Variants in CEP112 observed in about 807,000 individuals in gnomAD.
CEP112 encodes the protein centrosomal protein 112, also known as centrosomal protein of 112 kDa.
Under a neutral mutation model 153.0 loss-of-function variants are expected in CEP112, and 127 were observed. The observed-to-expected ratio is 0.83, with a 90% CI of 0.72 to 0.96. The LOEUF (loss-of-function observed/expected upper bound fraction) is 0.96, where lower values mean the gene tolerates loss of function less well. CEP112 is among the 40% of genes least tolerant of loss of function. The pLI is 0.00. For synonymous variants in CEP112, 358 were observed against 374.4 expected, an observed-to-expected ratio of 0.96 and a Z score of 0.51; for missense variants, 1,089 against 1,101.2, an observed-to-expected ratio of 0.99 and a Z score of 0.16.
chr17:66,030,072 C>T (rs1284507513), intron 12 of CEP112, 49 bp from the exon 13 acceptor site: 1 of 1,507,980 alleles, frequency 6.6e-7, no homozygotes. Flanking sequence ...AGTTGTAACA[C>T]TTTTGTATCT....
chr17:65,973,673 C>T (rs1462735331), intron 17 of CEP112, among the ~76,000 whole-genome samples: 1 of 152,012 alleles, frequency 6.6e-6, no homozygotes, highest in Non-Finnish European at 1.5e-5. Flanking sequence ...ATCTAAAATT[C>T]TGGAAATTGA....
At chr17:65,733,196 A>G (rs867248380) in intron 23 of CEP112, among the ~76,000 whole-genome samples, 8 of 152,324 alleles carry the variant, frequency 5.3e-5, no homozygotes, top group Admixed American at 3.3e-4. Flanking sequence ...GGAGATGGAG[A>G]GAGATGGGGG....
chr17:65,637,832 T>C (rs2044859340), intron 25 of CEP112, among the ~76,000 whole-genome samples: 1 of 152,218 alleles, frequency 6.6e-6, no homozygotes, highest in African/African-American at 2.4e-5. Flanking sequence ...CTGGTTTCAC[T>C]AGCTGTTGAA....
chr17:66,106,494 A>G (rs2068789603), intron 6 of CEP112, among the ~76,000 whole-genome samples: 1 of 152,102 alleles, frequency 6.6e-6, no homozygotes, highest in South Asian at 2.1e-4. Context: ...TCAAAAAATC[A>G]TTAGACGCTA....
chr17:65,789,246 C>A (rs956280667), intron 21 of CEP112, among the ~76,000 whole-genome samples: 1 of 152,184 alleles, frequency 6.6e-6, no homozygotes, highest in African/African-American at 2.4e-5. Flanking sequence ...TCGCTCTTGA[C>A]AGTCCTGCCA....
intron 23 of CEP112, among the ~76,000 whole-genome samples, chr17:65,689,598 G>A (rs768792750): frequency 7.2e-5 from 11 of 152,114 alleles, no homozygotes; most frequent in Non-Finnish European, 1.3e-4. Context: ...TCATTGTGAC[G>A]GATAGGAATT....
At chr17:65,989,440 C>T (rs2063518497) in intron 17 of CEP112, among the ~76,000 whole-genome samples, 1 of 150,724 alleles carries the variant, frequency 6.6e-6, no homozygotes. Flanking sequence ...ACCATACAGC[C>T]CAGGAGGGAG....
intron 22 of CEP112, among the ~76,000 whole-genome samples, chr17:65,749,787 T>TTCATTAGATATTATTATCTTTTTGTTGC (rs1336371343): frequency 6.6e-6 from 1 of 152,228 alleles, no homozygotes; most frequent in African/African-American, 2.4e-5. Context: ...CTTTTTGTTG[T>TTCATTAGATATTATTATCTTTTTGTTGC]TGTTGTTACT....
chr17:66,118,320 G>T (rs1280468579), intron 6 of CEP112, among the ~76,000 whole-genome samples: 1 of 152,068 alleles, frequency 6.6e-6, no homozygotes, highest in Non-Finnish European at 1.5e-5. Context: ...CCCATCAAAG[G>T]ATAAATGGAT....
intron 24 of CEP112, among the ~76,000 whole-genome samples, chr17:65,647,108 A>T (rs7218558): frequency 6.6e-6 from 1 of 151,778 alleles, no homozygotes; most frequent in East Asian, 1.9e-4. Context: ...AATTTGTCAC[A>T]TGGCAAAATG....
At chr17:65,827,844 C>T (rs148042788) in intron 21 of CEP112, among the ~76,000 whole-genome samples, 26 of 152,270 alleles carry the variant, frequency 1.7e-4, no homozygotes, top group African/African-American at 5.8e-4. Context: ...TTTCTTCCTC[C>T]GAATATCAAC....
rs550339483 is a variant in CEP112 at position 65,818,691 on chromosome 17, T to C, written c.2394+33113A>G. Among the ~76,000 whole-genome samples the C allele has an allele frequency of 1.6e-4, 25 of 152,028 alleles. No individual in the cohort carries two copies. In the East Asian group the frequency reaches 4.2e-3, roughly 26 times the overall value. On this transcript the variant is annotated intron_variant, in intron 21 of 26. Transcript: ENST00000535342. Reference sequence around the variant, plus strand: ...ATTTCTACTTCAGAAAAAAATACTCTATAACAGGGTTTTGGTTATTTAACA... The same window carrying C: ...ATTTCTACTTCAGAAAAAAATACTCCATAACAGGGTTTTGGTTATTTAACA...
At chr17:66,101,049 T>C (rs2068548713) in intron 6 of CEP112, among the ~76,000 whole-genome samples, 1 of 152,130 alleles carries the variant, frequency 6.6e-6, no homozygotes, top group African/African-American at 2.4e-5. Context: ...ATATATTGAA[T>C]AAAATCCGAT....
chr17:66,002,652 A>G (rs1485769274), intron 17 of CEP112, among the ~76,000 whole-genome samples: 1 of 152,146 alleles, frequency 6.6e-6, no homozygotes, highest in Non-Finnish European at 1.5e-5. Context: ...AGTCCATCTT[A>G]CTGATTATTA....
intron 18 of CEP112, among the ~76,000 whole-genome samples, chr17:65,930,475 T>A (rs749054562): frequency 6.6e-6 from 1 of 152,190 alleles, no homozygotes; most frequent in Non-Finnish European, 1.5e-5. Context: ...CTCTAGATTA[T>A]AGCATGCTAT....
At chr17:65,761,650 A>C (rs1436981539) in intron 21 of CEP112, among the ~76,000 whole-genome samples, 1 of 151,946 alleles carries the variant, frequency 6.6e-6, no homozygotes, top group Non-Finnish European at 1.5e-5. Flanking sequence ...TTCTTCTTTG[A>C]CCCGTGTGAT....
intron 24 of CEP112, among the ~76,000 whole-genome samples, chr17:65,653,443 G>C (rs2045889182): frequency 6.6e-6 from 1 of 152,168 alleles, no homozygotes; most frequent in Admixed American, 6.5e-5. Flanking sequence ...TTGACTGGTG[G>C]GTAGATTGAA....
intron 20 of CEP112, among the ~76,000 whole-genome samples, chr17:65,894,130 G>C (rs1312473400): frequency 6.6e-6 from 1 of 152,066 alleles, no homozygotes; most frequent in East Asian, 1.9e-4. Context: ...AATATTCCTA[G>C]TAATTTCTTC....
At chr17:65,658,808 G>A (rs1385001838) in intron 24 of CEP112, among the ~76,000 whole-genome samples, 1 of 151,952 alleles carries the variant, frequency 6.6e-6, no homozygotes, top group East Asian at 1.9e-4. Context: ...GCAGAAGCAG[G>A]GAATGACCAG....
Sources: gnomAD v4.1 joint callset for allele counts (sites outside exome capture counted in the v4.1 genomes callset) on GRCh38, gnomAD v4.1.1 for gene constraint, MANE v1.5 for transcripts, NCBI Gene and HGNC (gene_info 2026-07-23, HGNC 2026-07-21) for gene names.